FPR1: variants seen among roughly 807,000 people sequenced by gnomAD.
The protein encoded by FPR1 is N-formyl peptide receptor 1.
For missense variants in FPR1, 407 were observed against 453.0 expected (o/e 0.90, Z 0.92); for synonymous variants, 193 against 176.7 (o/e 1.09, Z -0.73).
At chr19:51,748,311 C>T (rs1043844519) in intron 1 of FPR1, among the ~76,000 whole-genome samples, 1 of 152,118 alleles carries the variant, frequency 6.6e-6, no homozygotes, top group Admixed American at 6.6e-5. Flanking sequence ...TTGCCAGGGA[C>T]TGGGGAAACT....
chr19:51,750,853 G>A (rs17803207), intron 1 of FPR1: 19,124 of 152,082 alleles, frequency 0.13, 1,216 homozygotes, highest in South Asian at 0.21. Flanking sequence ...CCTGTGTGAC[G>A]GAAGAGGAAA....
intron 1 of FPR1, chr19:51,750,770 A>G (rs987060493): frequency 3.3e-5 from 5 of 152,230 alleles, no homozygotes; most frequent in African/African-American, 1.2e-4. Flanking sequence ...TATGCTTGAT[A>G]ATCATTGTAC....
In FPR1 at chr19:51,746,916, T is replaced by C. The variant is rs769777199; in HGVS notation, c.79A>G (p.Ile27Val). ...AVSAGYLFLD[I>V]ITYLVFAVTF... ...ACTGCAAATACCAGATAAGTGATGATATCCAGGAAGAGATAGCCAGCAGAT... is the reference window on the plus strand; with the variant it reads ...ACTGCAAATACCAGATAAGTGATGACATCCAGGAAGAGATAGCCAGCAGAT... The change falls in exon 2 of 2, where the codon ATC becomes GTC. Residue 27 changes from isoleucine to valine, a missense_variant. Coordinates refer to ENST00000304748, the MANE Select transcript of FPR1 (RefSeq NM_002029.4). The surrounding 1 kb of genome is among the most constrained non-coding windows in gnomAD (Gnocchi z 4.3). 3.1e-6 allele frequency: 5 copies of C among 1,614,086 alleles called. No homozygotes were observed. Among genetic ancestry groups the C allele is most frequent in the Non-Finnish European group, 4.2e-6 (5 of 1,180,012 alleles).
chr19:51,745,969 A>G lies in FPR1; in HGVS notation c.1026T>C (p.Ser342=). ...SDTATNSTLP[S]AEVELQAK ...ACTTTGCCTGTAACTCCACCTCTGC[A>G]GAAGGTAAAGTAGAATTGGTAGCTG... is the stretch of plus-strand genomic sequence containing the variant. The change falls in exon 2 of 2, where the codon TCT becomes TCC. Residue 342 remains serine, a synonymous_variant. Coordinates refer to ENST00000304748, the MANE Select transcript of FPR1 (RefSeq NM_002029.4). 1 of 1,612,660 alleles carries G rather than the reference A, an allele frequency of 6.2e-7. No individual in the cohort carries two copies. Among genetic ancestry groups the G allele is most frequent in the Non-Finnish European group, 8.5e-7 (1 of 1,178,748 alleles).
At position 51,749,201 on chromosome 19, in the gene FPR1, C is replaced by T. The variant is rs574848438; in HGVS notation, c.-11-2196G>A. On this transcript the variant is annotated intron_variant, in intron 1 of 1. Coordinates refer to ENST00000304748, the MANE Select transcript of FPR1 (RefSeq NM_002029.4). Reference sequence around the variant, plus strand: ...TTGCACTCCAGCCTGGGCGACAGAGCGAGACTCCGTTTCAAAAAAAAAAAA... The same window carrying T: ...TTGCACTCCAGCCTGGGCGACAGAGTGAGACTCCGTTTCAAAAAAAAAAAA... Among the ~76,000 whole-genome samples the T allele has an allele frequency of 7.4e-4, 100 of 135,510 alleles. 3 individuals are homozygous for T. In the South Asian group the frequency reaches 0.023, roughly 32 times the overall value. 88.9% of individuals were successfully genotyped at this position (135,510 alleles called of 152,430 possible).
Position 51,746,807 on chromosome 19 carries a change from C to T in FPR1, c.188G>A (p.Ser63Asn), listed in dbSNP as rs1384967596. 4 of 1,614,008 alleles carry T rather than the reference C, an allele frequency of 2.5e-6. No individual in the cohort carries two copies. The highest frequency in any genetic ancestry group is 3.4e-6 in the Non-Finnish European group (4 of 1,180,036). The part of the protein sequence containing the change: ...FRMTHTVTTI[S>N]YLNLAVADFC... The stretch of plus-strand genomic sequence containing the variant: ...GTCAGCCACGGCCAGGTTCAGGTAA[C>T]TGATGGTGGTGACTGTGTGTGTCAT... Residue 63 changes from serine to asparagine, a missense_variant, in exon 2 of 2, where the codon AGT becomes AAT. Ser to Asn is a conservative substitution (Grantham distance 46). Coordinates refer to ENST00000304748, the MANE Select transcript of FPR1 (RefSeq NM_002029.4). This position sits in a 1 kb window ranked among gnomAD's most constrained non-coding sequence, Gnocchi z 4.3.
intron 1 of FPR1, among the ~76,000 whole-genome samples, chr19:51,748,761 T>A (rs2122328376): frequency 6.6e-6 from 1 of 152,282 alleles, no homozygotes; most frequent in Non-Finnish European, 1.5e-5. Flanking sequence ...GTGCCCAGCC[T>A]AAAATGGTTA....
downstream of FPR1, chr19:51,745,271 T>A (rs946573835): frequency 1.3e-5 from 2 of 152,066 alleles, no homozygotes; most frequent in African/African-American, 4.8e-5. Context: ...TTCTCCTGCC[T>A]CGGTCTCCTG....
At chr19:51,749,856 A>G (rs1027229847) in intron 1 of FPR1, among the ~76,000 whole-genome samples, 1 of 152,200 alleles carries the variant, frequency 6.6e-6, no homozygotes, top group South Asian at 2.1e-4. Context: ...ATTTTAGTAG[A>G]CATGGGGTTT....
chr19:51,747,028 A>T, intron 1 of FPR1, 23 bp from the exon 2 acceptor site: 2 of 1,529,334 alleles, frequency 1.3e-6, no homozygotes, highest in Non-Finnish European at 1.8e-6. Flanking sequence ...AGTCGTGGTC[A>T]TTCCTCAGTT....
rs1290352179 is a variant in FPR1 at position 51,746,645 on chromosome 19, G to A, written c.350C>T (p.Ala117Val). Residue 117 changes from alanine to valine, a missense_variant, in exon 2 of 2, where the codon GCC (alanine) becomes GTC (valine). Transcript: ENST00000304748. This position sits in a 1 kb window ranked among gnomAD's most constrained non-coding sequence, Gnocchi z 4.3. ...AACACAGCGGTCCAGAGCAATGAGG[G>A]CGATCAGGAAGACACTTCCGAACAA... ...INLFGSVFLI[A>V]LIALDRCVCV... The A allele has an allele frequency of 6.2e-6, 10 of 1,614,064 alleles. No homozygotes were observed. In the African/African-American group the frequency reaches 6.7e-5, roughly 11 times the overall value.
intron 1 of FPR1, among the ~76,000 whole-genome samples, chr19:51,748,743 G>A (rs1568638300): frequency 1.3e-5 from 2 of 152,158 alleles, no homozygotes; most frequent in Admixed American, 1.3e-4. Flanking sequence ...TTATAGGCGT[G>A]AGCCACTGTG....
intron 1 of FPR1, among the ~76,000 whole-genome samples, chr19:51,749,118 G>A (rs926828053): frequency 6.6e-6 from 1 of 151,980 alleles, no homozygotes; most frequent in Non-Finnish European, 1.5e-5. Flanking sequence ...CAGAGGCTGA[G>A]GCAGGAGAAT....
At position 51,745,776 on chromosome 19, in the gene FPR1, A is replaced by G; in HGVS notation, c.*166T>C. 1.6e-6 allele frequency: 1 copy of G among 624,604 alleles called. No homozygotes were observed. Among genetic ancestry groups the G allele is most frequent in the Non-Finnish European group, 2.8e-6 (1 of 356,644 alleles). The allele number at this position is 624,604 out of a possible 1,614,324, so 38.7% of individuals were successfully genotyped here. A position where few individuals can be genotyped will look rare whatever the true frequency, so the allele number is the denominator to read the frequency against. On this transcript the variant is annotated 3_prime_UTR_variant, in exon 2 of 2. Transcript: ENST00000304748. ...AAATCAAAAAAGAAGTCAATAATAA[A>G]CTCATATCTGTTTATTCTCCCCAAA...
chr19:51,751,502 C>T (rs1237560040), intron 1 of FPR1, among the ~76,000 whole-genome samples: 2 of 152,170 alleles, frequency 1.3e-5, no homozygotes, highest in African/African-American at 4.8e-5. Context: ...CCTGCCTCAG[C>T]CTCCCAAGTA....
chr19:51,746,735 A>T lies in FPR1; in HGVS notation c.260T>A (p.Met87Lys). 3 of 1,614,166 alleles carry T rather than the reference A, an allele frequency of 1.9e-6. No individual in the cohort carries two copies. In the South Asian group the frequency reaches 3.3e-5, roughly 18 times the overall value. ...TLPFFMVRKA[M>K]GGHWPFGWFL... ...CCAGCCGAAAGGCCAATGTCCTCCC[A>T]TGGCCTTCCTGACCATGAAGAATGG... Residue 87 changes from methionine to lysine, a missense_variant, in exon 2 of 2, where the codon ATG becomes AAG. By Grantham distance (95) the Met-to-Lys change is moderately conservative. Transcript: ENST00000304748. This position sits in a 1 kb window ranked among gnomAD's most constrained non-coding sequence, Gnocchi z 4.3.
At chr19:51,748,694 C>T (rs1230608223) in intron 1 of FPR1, among the ~76,000 whole-genome samples, 1 of 152,168 alleles carries the variant, frequency 6.6e-6, no homozygotes, top group Admixed American at 6.5e-5. Context: ...TCCTTGACCT[C>T]AGGTGATCTG....
chr19:51,750,187 T>A (rs1464850076), intron 1 of FPR1: 1 of 152,238 alleles, frequency 6.6e-6, no homozygotes, highest in Non-Finnish European at 1.5e-5. Context: ...AGCTGTCTAA[T>A]GCACTAGTCA....
Position 51,746,544 on chromosome 19 carries a change from C to T in FPR1, c.451G>A (p.Val151Met). The T allele has an allele frequency of 6.2e-7, 1 of 1,614,178 alleles. No individual in the cohort carries two copies. Among genetic ancestry groups the T allele is most frequent in the East Asian group, 2.2e-5 (1 of 44,886 alleles). ...GGCAATGTGAGGAGCAGAGCCATCA[C>T]CCAGGGCCCAATGATCACCTTCTTG... ...LAKKVIIGPW[V>M]MALLLTLPVI... is the part of the protein sequence containing the mutation. Residue 151 changes from valine to methionine, a missense_variant, in exon 2 of 2, where the codon GTG (valine) becomes ATG (methionine). Transcript: ENST00000304748. The surrounding 1 kb of genome is among the most constrained non-coding windows in gnomAD (Gnocchi z 4.3).
Sources: gnomAD v4.1 joint callset for allele counts (sites outside exome capture counted in the v4.1 genomes callset) on GRCh38, gnomAD v4.1.1 for gene constraint, Gnocchi (gnomAD v3.1) non-coding constraint, MANE v1.5 for transcripts, NCBI Gene and HGNC (gene_info 2026-07-23, HGNC 2026-07-21) for gene names.